Variants in PIK3C2B observed in about 807,000 individuals in gnomAD.
The protein encoded by PIK3C2B is phosphatidylinositol-4-phosphate 3-kinase catalytic subunit type 2 beta.
A neutral mutation model predicts 184.3 loss-of-function variants in PIK3C2B; 83 were observed. The ratio of observed to expected loss-of-function variants is 0.45; its 90% confidence interval spans 0.38 to 0.54. The LOEUF is 0.54. PIK3C2B is among the 20% of genes least tolerant of loss of function. PIK3C2B has a pLI of 0.00. For missense variants in PIK3C2B, 1,736 were observed against 2,113.5 expected (o/e 0.82, Z 3.50); for synonymous variants, 779 against 837.6 (o/e 0.93, Z 1.21).
At chr1:204,452,923 A>G (rs777578387) in intron 12 of PIK3C2B, among the ~76,000 whole-genome samples, 1 of 152,018 alleles carries the variant, frequency 6.6e-6, no homozygotes, top group Non-Finnish European at 1.5e-5. Flanking sequence ...CTCCCAAAGT[A>G]CGGTGAGACT....
intron 31 of PIK3C2B, 51 bp from the exon 32 acceptor site, chr1:204,425,792 C>G: frequency 6.4e-7 from 1 of 1,553,080 alleles, no homozygotes; most frequent in Non-Finnish European, 8.9e-7. Context: ...ACATCTGTCT[C>G]TTCACCACCA....
In PIK3C2B at chr1:204,433,524, T is replaced by A; in HGVS notation, c.3844-99A>T. On this transcript the variant is annotated intron_variant, in intron 25 of 32. Transcript: ENST00000684373. The surrounding 1 kb of genome is among the most constrained non-coding windows in gnomAD (Gnocchi z 5.0). ...CAAGGTTTTCTACAGCTAGGCTCCCTAACCCTTCTAGAGGGTGGTAGACAG... is the reference window on the plus strand; with the variant it reads ...CAAGGTTTTCTACAGCTAGGCTCCCAAACCCTTCTAGAGGGTGGTAGACAG... The A allele has an allele frequency of 1.2e-6, 1 of 817,708 alleles. No homozygotes were observed. The highest frequency in any genetic ancestry group is 2.0e-6 in the Non-Finnish European group (1 of 490,282). The allele number at this position is 817,708 out of a possible 1,614,324, so 50.7% of individuals were successfully genotyped here.
chr1:204,444,718 A>C (rs1653702645), intron 16 of PIK3C2B, among the ~76,000 whole-genome samples: 1 of 152,228 alleles, frequency 6.6e-6, no homozygotes, highest in African/African-American at 2.4e-5. Context: ...CTTACTCCAG[A>C]GATTTCTCCC....
intron 28 of PIK3C2B, chr1:204,431,245 T>A: frequency 4.1e-6 from 1 of 244,532 alleles, no homozygotes; most frequent in Non-Finnish European, 8.1e-6. Flanking sequence ...CCGTTTTTGT[T>A]TTTTTGTGAC....
In PIK3C2B at chr1:204,428,235, G is replaced by A. The variant is rs746968450; in HGVS notation, c.4399-15C>T. On this transcript the variant is annotated splice_polypyrimidine_tract_variant and intron_variant, in intron 29 of 32. Transcript: ENST00000684373. ...ACCAAATCACACTGGAACAGAATCA[G>A]AAACAGGGCCATTCTTCAATAAGAC... 9.2e-5 allele frequency: 142 copies of A among 1,548,758 alleles called. 9 individuals are homozygous for A. In the South Asian group the frequency reaches 1.3e-3, roughly 15 times the overall value.
chr1:204,465,483 A>G (rs768041354), intron 2 of PIK3C2B, among the ~76,000 whole-genome samples, 164 bp from the exon 3 acceptor site: 12 of 152,256 alleles, frequency 7.9e-5, no homozygotes, highest in Admixed American at 4.6e-4. Flanking sequence ...GAATACATGT[A>G]TCTGCTGTCC....
chr1:204,468,997 G>A lies in PIK3C2B; in HGVS notation c.806C>T (p.Thr269Ile). The A allele has an allele frequency of 1.9e-6, 3 of 1,614,232 alleles. No individual in the cohort carries two copies. Among genetic ancestry groups the A allele is most frequent in the Non-Finnish European group, 2.5e-6 (3 of 1,180,038 alleles). The change falls in exon 2 of 33, where the codon ACC (threonine) becomes ATC (isoleucine). Residue 269 changes from threonine to isoleucine, a missense_variant. Coordinates refer to ENST00000684373, the MANE Select transcript of PIK3C2B (RefSeq NM_001377334.1). ...GCTCCTGGCCACGGGTTTTCCAGAG[G>A]TGTCTTTGCTGAAGTCCAGCGGCCC... is the stretch of plus-strand genomic sequence containing the variant. Reference protein sequence around the residue: ...GRGPLDFSKDTSGKPVARSKT... With the variant: ...GRGPLDFSKDISGKPVARSKT...
At chr1:204,455,715 C>T (rs1224298775) in intron 11 of PIK3C2B, 141 bp downstream of exon 11, 11 of 689,346 alleles carry the variant, frequency 1.6e-5, no homozygotes, top group East Asian at 5.7e-5. Context: ...GGCTCACCCC[C>T]GCAGCCCCAT....
intron 12 of PIK3C2B, among the ~76,000 whole-genome samples, chr1:204,454,293 T>C (rs1040269221): frequency 6.6e-6 from 1 of 150,944 alleles, no homozygotes; most frequent in Non-Finnish European, 1.5e-5. Context: ...CTATCCTAGC[T>C]AACACATGGA....
chr1:204,446,091 G>T lies in PIK3C2B; in HGVS notation c.2543C>A (p.Ser848Ter), dbSNP rs368714819. The T allele has an allele frequency of 6.3e-7, 1 of 1,595,920 alleles. No individual in the cohort carries two copies. Among genetic ancestry groups the T allele is most frequent in the Non-Finnish European group, 8.6e-7 (1 of 1,168,980 alleles). The part of the protein sequence containing the change: ...RLWEKRYYCH[S>*]EVSSLPLVLA... Reference sequence around the variant, plus strand: ...CACCAGGGGGAGCGAGCTCACCTCCGAGTGGCAGTAATATCGCTTCTCCCA... The same window carrying T: ...CACCAGGGGGAGCGAGCTCACCTCCTAGTGGCAGTAATATCGCTTCTCCCA... Residue 848 changes from serine (S) to a stop codon, truncating the protein, a stop_gained, in exon 16 of 33, where the codon TCG (serine) becomes TAG (stop). Transcript: ENST00000684373. LOFTEE classifies it high-confidence loss of function.
At chr1:204,465,680 G>T (rs1655704498) in intron 2 of PIK3C2B, among the ~76,000 whole-genome samples, 1 of 152,230 alleles carries the variant, frequency 6.6e-6, no homozygotes, top group South Asian at 2.1e-4. Context: ...GCGTGACAGG[G>T]AGCAGAGCAG....
chr1:204,432,292 C>G lies in PIK3C2B; in HGVS notation c.4063G>C (p.Ala1355Pro), dbSNP rs1444541246. ...GSDDRLTLSF[A>P]SRTHTLKSSG... Reference sequence around the variant, plus strand: ...CTCTTGAGAGTGTGTGTTCGGGAGGCAAAGGAGAGGGTCAGCCGGTCATCT... The same window carrying G: ...CTCTTGAGAGTGTGTGTTCGGGAGGGAAAGGAGAGGGTCAGCCGGTCATCT... The change falls in exon 27 of 33, where the codon GCC (alanine) becomes CCC (proline). Residue 1355 changes from alanine to proline, a missense_variant. Around this residue, in one of 8 missense-constraint regions of PIK3C2B, gnomAD observed 119 missense variants for 179.3 expected, o/e 0.66. Coordinates refer to ENST00000684373, the MANE Select transcript of PIK3C2B (RefSeq NM_001377334.1). 2 of 1,613,960 alleles carry G rather than the reference C, an allele frequency of 1.2e-6. No individual in the cohort carries two copies. The highest frequency in any genetic ancestry group is 1.7e-6 in the Non-Finnish European group (2 of 1,179,992).
Position 204,459,787 on chromosome 1 carries a change from C to T in PIK3C2B, c.1566+91G>A, listed in dbSNP as rs61761721. On this transcript the variant is annotated intron_variant, in intron 8 of 32. Transcript: ENST00000684373. The stretch of plus-strand genomic sequence containing the variant: ...ACAGATTTTCAGGCTCCACCCAGAC[C>T]CCTCATAGTGCTGGGTGATCCCAGG... The T allele has an allele frequency of 2.2e-3, 2,411 of 1,078,706 alleles. 36 individuals are homozygous for T. In the African/African-American group the frequency reaches 0.032, roughly 14 times the overall value. 66.8% of individuals were successfully genotyped at this position (1,078,706 alleles called of 1,614,324 possible). A position where few individuals can be genotyped will look rare whatever the true frequency, so the allele number is the denominator to read the frequency against.
chr1:204,455,082 C>T (rs1354591084), intron 11 of PIK3C2B, among the ~76,000 whole-genome samples: 6 of 152,216 alleles, frequency 3.9e-5, no homozygotes, highest in Non-Finnish European at 7.3e-5. Context: ...AAAGCTCCAG[C>T]CCATGGAGCG....
intron 29 of PIK3C2B, among the ~76,000 whole-genome samples, chr1:204,429,624 A>C (rs989444905): frequency 4.6e-5 from 7 of 152,054 alleles, no homozygotes; most frequent in African/African-American, 1.7e-4. Flanking sequence ...TGCTCAAAAA[A>C]CTTTTTCCTC....
In PIK3C2B at chr1:204,459,950, TG is replaced by T; in HGVS notation, c.1503-10del. 6.2e-7 allele frequency: 1 copy of T among 1,613,280 alleles called. No individual in the cohort carries two copies. Among genetic ancestry groups the T allele is most frequent in the Non-Finnish European group, 8.5e-7 (1 of 1,179,576 alleles). On this transcript the variant is annotated splice_polypyrimidine_tract_variant and intron_variant, in intron 7 of 32. Coordinates refer to ENST00000684373, the MANE Select transcript of PIK3C2B (RefSeq NM_001377334.1). ...GAAGACTCAGGGCCTGCCTGGGAGTTGGGGGCAGGGAAAAACCACAGGAGAG... is the reference window on the plus strand; with the variant it reads ...GAAGACTCAGGGCCTGCCTGGGAGTTGGGGCAGGGAAAAACCACAGGAGAG...
At chr1:204,478,698 C>T (rs1392333895) in intron 1 of PIK3C2B, among the ~76,000 whole-genome samples, 1 of 152,214 alleles carries the variant, frequency 6.6e-6, no homozygotes, top group Non-Finnish European at 1.5e-5. Context: ...AAAGCAGCCG[C>T]ACATGGTCTG....
intron 1 of PIK3C2B, among the ~76,000 whole-genome samples, chr1:204,492,601 T>C (rs916299332): frequency 6.6e-6 from 1 of 152,040 alleles, no homozygotes; most frequent in African/African-American, 2.4e-5. Context: ...GTATAGAGTA[T>C]CTGCCAGAGC....
chr1:204,424,762 GC>G lies in PIK3C2B; in HGVS notation c.*89del. 7.5e-7 allele frequency: 1 copy of G among 1,339,014 alleles called. No homozygotes were observed. The allele number at this position is 1,339,014 out of a possible 1,614,324, so 82.9% of individuals were successfully genotyped here. ...AGCTGGAGGCCTGCCCAGGGCCCTG[GC>G]CCTTCACAAGGAGGAGTCTCACAGG... On this transcript the variant is annotated 3_prime_UTR_variant, in exon 33 of 33. Transcript: ENST00000684373.
Sources: allele counts gnomAD v4.1 joint callset (sites outside exome capture counted in the v4.1 genomes callset), GRCh38; gene constraint gnomAD v4.1.1; regional missense constraint gnomAD v4.1.1; non-coding constraint Gnocchi (gnomAD v3.1); transcripts MANE v1.5; gene names NCBI Gene and HGNC (gene_info 2026-07-23, HGNC 2026-07-21).